Variants in ATP6V1H observed in about 807,000 individuals in gnomAD.
ATP6V1H encodes ATPase H+ transporting V1 subunit H, also known as V-type proton ATPase subunit H.
In ATP6V1H, 39 loss-of-function variants were observed where a neutral mutation model predicts 71.7. The observed-to-expected ratio is 0.54, with a 90% CI of 0.42 to 0.71. The LOEUF (loss-of-function observed/expected upper bound fraction) is 0.71. Among genes scored for constraint, ATP6V1H ranks in the 30% least tolerant of loss-of-function variants. ATP6V1H has a pLI of 0.00. For synonymous variants in ATP6V1H, 192 were observed against 199.3 expected (o/e 0.96, Z 0.31); for missense variants, 509 against 594.9 (o/e 0.86, Z 1.50).
intron 13 of ATP6V1H, among the ~76,000 whole-genome samples, chr8:53,731,366 G>C (rs921648066): frequency 3.3e-5 from 5 of 152,190 alleles, no homozygotes; most frequent in African/African-American, 4.8e-5. Context: ...GCAAAAATGA[G>C]ATCAATAGTC....
intron 11 of ATP6V1H, among the ~76,000 whole-genome samples, chr8:53,765,285 C>T (rs1298274916): frequency 6.6e-6 from 1 of 151,496 alleles, no homozygotes; most frequent in Non-Finnish European, 1.5e-5. Context: ...GCCTGTAATC[C>T]CAGCTACTTA....
chr8:53,767,710 T>C (rs1309101462), intron 11 of ATP6V1H, among the ~76,000 whole-genome samples: 1 of 152,150 alleles, frequency 6.6e-6, no homozygotes, highest in African/African-American at 2.4e-5. Flanking sequence ...GATAATTCAA[T>C]AGGTAAAGAA....
chr8:53,757,428 G>A (rs995891810), intron 11 of ATP6V1H, among the ~76,000 whole-genome samples: 1 of 152,148 alleles, frequency 6.6e-6, no homozygotes, highest in Non-Finnish European at 1.5e-5. Context: ...GCTTGGAAAG[G>A]ACTACCTTCC....
chr8:53,726,756 C>G (rs1806826532), intron 13 of ATP6V1H, among the ~76,000 whole-genome samples: 1 of 152,170 alleles, frequency 6.6e-6, no homozygotes, highest in Non-Finnish European at 1.5e-5. Context: ...ATTCTCTTCC[C>G]TCCATCATCT....
At chr8:53,765,272 C>T (rs578001996) in intron 11 of ATP6V1H, among the ~76,000 whole-genome samples, 6 of 151,644 alleles carry the variant, frequency 4.0e-5, no homozygotes, top group East Asian at 1.9e-4. Context: ...CGTGGTGGTG[C>T]GCGCCTGTAA....
chr8:53,765,325 GGGAGGCGGA>G (rs1322853946), intron 11 of ATP6V1H, among the ~76,000 whole-genome samples: 1 of 151,280 alleles, frequency 6.6e-6, no homozygotes, highest in Non-Finnish European at 1.5e-5. Context: ...TCTTGCACCC[GGGAGGCGGA>G]GGCTGCAGTA....
intron 13 of ATP6V1H, among the ~76,000 whole-genome samples, chr8:53,732,030 C>T (rs1034590184): frequency 7.2e-5 from 11 of 152,210 alleles, no homozygotes; most frequent in Non-Finnish European, 1.6e-4. Context: ...TAGGAACTTG[C>T]CCACTCCATC....
chr8:53,839,252 T>C (rs1042745588), intron 2 of ATP6V1H, among the ~76,000 whole-genome samples: 3 of 152,200 alleles, frequency 2.0e-5, no homozygotes, highest in Admixed American at 1.3e-4. Context: ...TTATTCTATG[T>C]AGGCTATAAA....
intron 12 of ATP6V1H, among the ~76,000 whole-genome samples, chr8:53,754,645 C>T (rs1156798942): frequency 3.9e-5 from 6 of 152,150 alleles, no homozygotes; most frequent in Non-Finnish European, 7.3e-5. Context: ...ACCCCTAAAG[C>T]GCAACTTATT....
At chr8:53,765,099 T>C (rs1467216018) in intron 11 of ATP6V1H, among the ~76,000 whole-genome samples, 1 of 152,020 alleles carries the variant, frequency 6.6e-6, no homozygotes, top group African/African-American at 2.4e-5. Context: ...AGCTAGATCC[T>C]GCCTCTTAAA....
chr8:53,808,326 G>A (rs1810158583), intron 7 of ATP6V1H, among the ~76,000 whole-genome samples: 1 of 152,206 alleles, frequency 6.6e-6, no homozygotes, highest in Admixed American at 6.5e-5. Flanking sequence ...GCCTTCCTCA[G>A]AAGAAAAGAC....
rs1810260934 is a variant in ATP6V1H, at chr8:53,811,145, A to T, written c.579+19T>A. 1 of 1,608,382 alleles carries T rather than the reference A, an allele frequency of 6.2e-7. No individual in the cohort carries two copies. Among genetic ancestry groups the T allele is most frequent in the Non-Finnish European group, 8.5e-7 (1 of 1,175,798 alleles). ...AATTTATTTTGGGGATGTTTAGGCC[A>T]GTGAAGGAATATACTTACATCACTT... is the stretch of plus-strand genomic sequence containing the variant. On this transcript the variant is annotated intron_variant, in intron 7 of 13. Transcript: ENST00000359530.
chr8:53,719,169 AT>A (rs1223431508), intron 13 of ATP6V1H, among the ~76,000 whole-genome samples: 1 of 152,040 alleles, frequency 6.6e-6, no homozygotes, highest in Non-Finnish European at 1.5e-5. Context: ...TATGTATTTT[AT>A]TCTATTTTTA....
intron 13 of ATP6V1H, among the ~76,000 whole-genome samples, chr8:53,717,321 G>C (rs1563433301): frequency 6.6e-6 from 1 of 152,178 alleles, no homozygotes; most frequent in Non-Finnish European, 1.5e-5. Context: ...GGAGCAGCAG[G>C]GAGGAGGAAC....
At chr8:53,764,834 A>C (rs909315009) in intron 11 of ATP6V1H, among the ~76,000 whole-genome samples, 1 of 151,870 alleles carries the variant, frequency 6.6e-6, no homozygotes, top group Non-Finnish European at 1.5e-5. Context: ...ATGGTGGCTC[A>C]TGCCTATAAT....
At chr8:53,821,840 T>C (rs992883087) in intron 4 of ATP6V1H, among the ~76,000 whole-genome samples, 1 of 152,138 alleles carries the variant, frequency 6.6e-6, no homozygotes, top group Non-Finnish European at 1.5e-5. Flanking sequence ...TCTCAGGTGA[T>C]GAAATTCCTC....
chr8:53,813,455 G>C (rs1810350109), intron 6 of ATP6V1H, among the ~76,000 whole-genome samples: 1 of 152,128 alleles, frequency 6.6e-6, no homozygotes, highest in Non-Finnish European at 1.5e-5. Context: ...ATTTCAAATA[G>C]ACATTCATTT....
chr8:53,806,621 T>C (rs1404040950), intron 7 of ATP6V1H: 2 of 162,046 alleles, frequency 1.2e-5, no homozygotes, highest in Non-Finnish European at 2.7e-5. Flanking sequence ...ATTATTGCTT[T>C]GTATGCAACT....
At chr8:53,756,318 G>A in intron 12 of ATP6V1H, 1 of 258,338 alleles carries the variant, frequency 3.9e-6, no homozygotes. Context: ...TCCTGACCTT[G>A]TGATCTGCCT....
Sources: allele counts gnomAD v4.1 joint callset (sites outside exome capture counted in the v4.1 genomes callset), GRCh38; gene constraint gnomAD v4.1.1; transcripts MANE v1.5; gene names NCBI Gene and HGNC (gene_info 2026-07-23, HGNC 2026-07-21).